The following MCCC2 variants were observed in gnomAD, a reference collection of about 807,000 sequenced individuals.
MCCC2 encodes methylcrotonyl-CoA carboxylase subunit 2.
A neutral mutation model predicts 77.2 loss-of-function variants in MCCC2; 52 were observed. That is an observed-to-expected ratio of 0.67 (90% CI 0.54 to 0.85). The LOEUF is 0.85. Among genes scored for constraint, MCCC2 ranks in the 40% least tolerant of loss-of-function variants. The pLI, the probability that MCCC2 is intolerant of heterozygous loss-of-function variation, is 0.00. For synonymous variants in MCCC2, 253 were observed against 248.4 expected (o/e 1.02, Z -0.18); for missense variants, 682 against 703.2 (o/e 0.97, Z 0.34).
At chr5:71,613,823 C>T (rs887867431) in intron 6 of MCCC2, among the ~76,000 whole-genome samples, 5 of 151,788 alleles carry the variant, frequency 3.3e-5, no homozygotes, top group African/African-American at 1.2e-4. Context: ...AAGAAAAGTG[C>T]TCACACATAG....
chr5:71,646,428 G>C (rs999121551), intron 13 of MCCC2, 151 bp downstream of exon 13: 1 of 686,078 alleles, frequency 1.5e-6, no homozygotes, highest in African/African-American at 1.8e-5. Flanking sequence ...TTAAGAGTTA[G>C]CACTTTTCTT....
At chr5:71,634,258 C>T (rs1746840977) in intron 8 of MCCC2, among the ~76,000 whole-genome samples, 1 of 152,210 alleles carries the variant, frequency 6.6e-6, no homozygotes, top group Admixed American at 6.5e-5. Flanking sequence ...GGACTAATAA[C>T]CAGAGCAAGC....
At chr5:71,636,430 A>G (rs192109453) in intron 10 of MCCC2, 189 of 163,678 alleles carry the variant, frequency 1.2e-3, no homozygotes, top group Non-Finnish European at 1.7e-3. Flanking sequence ...GTGTTGGGCC[A>G]GGCGCAGTGG....
At chr5:71,599,496 C>T (rs1405369600) in intron 3 of MCCC2, among the ~76,000 whole-genome samples, 163 bp from the exon 4 acceptor site, 1 of 152,116 alleles carries the variant, frequency 6.6e-6, no homozygotes, top group Non-Finnish European at 1.5e-5. Flanking sequence ...CAGACTTGAG[C>T]CACCACACCC....
At chr5:71,656,559 T>A (rs1050686317) in intron 16 of MCCC2, among the ~76,000 whole-genome samples, 184 bp from the exon 17 acceptor site, 7 of 152,218 alleles carry the variant, frequency 4.6e-5, no homozygotes, top group Non-Finnish European at 8.8e-5. Context: ...TCATATCATT[T>A]TTTTCCACGT....
At chr5:71,587,995 C>G (rs1183557796) in intron 1 of MCCC2, among the ~76,000 whole-genome samples, 1 of 152,178 alleles carries the variant, frequency 6.6e-6, no homozygotes, top group East Asian at 1.9e-4. Context: ...ATGGCCGAGC[C>G]CAGTGGCTCA....
chr5:71,636,242 AC>A, intron 10 of MCCC2: 1 of 209,754 alleles, frequency 4.8e-6, no homozygotes, highest in Non-Finnish European at 1.0e-5. Flanking sequence ...TTTAGGCAAT[AC>A]CCCAGCATTG....
At chr5:71,623,608 C>T (rs1004471095) in intron 6 of MCCC2, among the ~76,000 whole-genome samples, 2 of 152,210 alleles carry the variant, frequency 1.3e-5, no homozygotes, top group African/African-American at 2.4e-5. Context: ...GGTGACAATC[C>T]ATCACTTGCC....
chr5:71,643,165 T>C (rs564545658), intron 11 of MCCC2, among the ~76,000 whole-genome samples: 1 of 152,192 alleles, frequency 6.6e-6, no homozygotes, highest in Admixed American at 6.5e-5. Context: ...GGAGGATCAC[T>C]TGAGCCCAGG....
rs544704315 is a variant in MCCC2, at chr5:71,631,538, C to CTT, written c.739-564_739-563dup. 1.6e-3 allele frequency among the ~76,000 whole-genome samples: 209 copies of CTT among 128,280 alleles called. 2 individuals carry two copies. The highest frequency in any genetic ancestry group is 4.1e-3 in the Middle Eastern group (1 of 244). The allele number at this position is 128,280 out of a possible 152,430, so 84.2% of individuals were successfully genotyped here. On this transcript the variant is annotated intron_variant, in intron 7 of 16. Transcript: ENST00000340941. ...GAGGATGGCCTTTCAGGTCTTTCTT[C>CTT]TTTTTTTTTTTTTTTTTTTTGAGAC...
chr5:71,648,156 G>GA (rs1336243965), intron 13 of MCCC2, among the ~76,000 whole-genome samples: 1 of 152,218 alleles, frequency 6.6e-6, no homozygotes, highest in African/African-American at 2.4e-5. Flanking sequence ...ACGTGCTCTG[G>GA]AGGAACTGGT....
chr5:71,597,266 GGGA>G (rs748641002), intron 3 of MCCC2, among the ~76,000 whole-genome samples: 29 of 152,262 alleles, frequency 1.9e-4, no homozygotes, highest in Non-Finnish European at 3.8e-4. Context: ...TTGTGGTGGA[GGGA>G]GTGAGGGGAG....
chr5:71,604,351 TTCAG>T lies in MCCC2; in HGVS notation c.512-3_512del. 6.2e-7 allele frequency: 1 copy of T among 1,612,876 alleles called. No individual in the cohort carries two copies. Among genetic ancestry groups the T allele is most frequent in the Non-Finnish European group, 8.5e-7 (1 of 1,178,850 alleles). ...ATGCTTATGTTTCTCATTTCTTGTCTTCAGTTGATTCGGGAGGAGCATACTTACC... is the reference window on the plus strand; with the variant it reads ...ATGCTTATGTTTCTCATTTCTTGTCTTTGATTCGGGAGGAGCATACTTACC... On this transcript the variant is annotated splice_acceptor_variant and splice_polypyrimidine_tract_variant and intron_variant, in intron 5 of 16. Coordinates refer to ENST00000340941, the MANE Select transcript of MCCC2 (RefSeq NM_022132.5). LOFTEE classifies it high-confidence loss of function.
In MCCC2 at chr5:71,634,020, C is replaced by CTCTACT. The variant is rs1746833061; in HGVS notation, c.804-922_804-921insCTACTT. ...CCTAAAGTAGAGTGTCATGAAATCA[C>CTCTACT]TGAGAGCCTAGCTCTAAGATATGTC... On this transcript the variant is annotated intron_variant, in intron 8 of 16. Transcript: ENST00000340941. Among the ~76,000 whole-genome samples the CTCTACT allele has an allele frequency of 2.0e-5, 3 of 152,220 alleles. No individual in the cohort carries two copies. In the South Asian group the frequency reaches 6.2e-4, roughly 31 times the overall value.
Position 71,632,179 on chromosome 5 carries a change from A to G in MCCC2, c.797A>G (p.His266Arg). Residue 266 changes from histidine (H) to arginine (R), a missense_variant, in exon 8 of 17, where the codon CAT (histidine) becomes CGT (arginine). Coordinates refer to ENST00000340941, the MANE Select transcript of MCCC2 (RefSeq NM_022132.5). ...GAGGATCTTGGAGGTGCTGATCTTCATTGCAGGTGAAACAGAAATGGTTGT... is the reference window on the plus strand; with the variant it reads ...GAGGATCTTGGAGGTGCTGATCTTCGTTGCAGGTGAAACAGAAATGGTTGT... ...SAEDLGGADL[H>R]CRKSGVSDHW... 1 of 1,614,074 alleles carries G rather than the reference A, an allele frequency of 6.2e-7. No homozygotes were observed.
At chr5:71,623,843 T>C (rs1746443215) in intron 6 of MCCC2, among the ~76,000 whole-genome samples, 1 of 152,226 alleles carries the variant, frequency 6.6e-6, no homozygotes, top group Non-Finnish European at 1.5e-5. Flanking sequence ...GGAAGTGCCC[T>C]TAGCCATATG....
chr5:71,613,336 T>G (rs561485412), intron 6 of MCCC2, among the ~76,000 whole-genome samples: 4 of 152,330 alleles, frequency 2.6e-5, no homozygotes, highest in Non-Finnish European at 5.9e-5. Context: ...TCTATTCCTG[T>G]GGAACTTTGA....
chr5:71,642,519 C>T (rs573901502), intron 11 of MCCC2, among the ~76,000 whole-genome samples: 1 of 152,280 alleles, frequency 6.6e-6, no homozygotes, highest in Admixed American at 6.5e-5. Context: ...GGACATGTTC[C>T]CTACTCAGCG....
chr5:71,646,615 C>T, intron 13 of MCCC2, among the ~76,000 whole-genome samples: 1 of 152,174 alleles, frequency 6.6e-6, no homozygotes, highest in East Asian at 1.9e-4. Flanking sequence ...ATCTGCCCGC[C>T]TTGTTCTCCC....
Sources: allele counts gnomAD v4.1 joint callset (sites outside exome capture counted in the v4.1 genomes callset), GRCh38; gene constraint gnomAD v4.1.1; transcripts MANE v1.5; gene names NCBI Gene and HGNC (gene_info 2026-07-23, HGNC 2026-07-21).